The following PXDN variants were observed in gnomAD, a reference collection of about 807,000 sequenced individuals.
The protein encoded by PXDN is peroxidasin.
PXDN carries 77 observed loss-of-function variants against 140.3 expected under a neutral mutation model. The ratio of observed to expected loss-of-function variants is 0.55; its 90% CI spans 0.46 to 0.66. PXDN has a LOEUF of 0.66. Among genes scored for constraint, PXDN ranks in the 30% least tolerant of loss-of-function variants. PXDN has a pLI of 0.00. For missense variants in PXDN, 1,838 were observed against 2,039.5 expected (o/e 0.90, Z 1.90); for synonymous variants, 911 against 857.4 (o/e 1.06, Z -1.09).
At chr2:1,700,763 TACTC>T (rs1210718154) in intron 1 of PXDN, among the ~76,000 whole-genome samples, 2 of 152,058 alleles carry the variant, frequency 1.3e-5, no homozygotes, top group South Asian at 4.2e-4. Flanking sequence ...TAATCCCAGT[TACTC>T]AGGAGGCTGA....
At chr2:1,713,770 A>T (rs1006121370) in intron 1 of PXDN, among the ~76,000 whole-genome samples, 4 of 152,240 alleles carry the variant, frequency 2.6e-5, no homozygotes, top group Non-Finnish European at 5.9e-5. Flanking sequence ...GAGAGGTAAG[A>T]GGTGGGCAGC....
At chr2:1,701,402 CG>C (rs1558515063) in intron 1 of PXDN, among the ~76,000 whole-genome samples, 1 of 152,186 alleles carries the variant, frequency 6.6e-6, no homozygotes, top group Non-Finnish European at 1.5e-5. Flanking sequence ...CTCGTGCAGG[CG>C]GCCACAGTGA....
intron 3 of PXDN, among the ~76,000 whole-genome samples, chr2:1,690,032 C>T (rs979461921): frequency 6.6e-6 from 1 of 152,200 alleles, no homozygotes. Flanking sequence ...GAATAAATTT[C>T]AGGAGAGCTC....
At chr2:1,671,504 C>G (rs575949229) in intron 9 of PXDN, among the ~76,000 whole-genome samples, 3 of 151,968 alleles carry the variant, frequency 2.0e-5, no homozygotes, top group African/African-American at 7.2e-5. Flanking sequence ...AAAAGACACA[C>G]CTGCCAATAC....
chr2:1,733,845 G>C (rs1482605860), intron 1 of PXDN, among the ~76,000 whole-genome samples: 1 of 148,702 alleles, frequency 6.7e-6, no homozygotes, highest in East Asian at 2.0e-4. Context: ...GGTAAAGAAA[G>C]CACTGTTTAA....
At chr2:1,663,868 G>T in intron 11 of PXDN, 105 bp from the exon 12 acceptor site, 1 of 1,455,948 alleles carries the variant, frequency 6.9e-7, no homozygotes, top group East Asian at 2.3e-5. Context: ...CTGGGTCGGG[G>T]CGCCGGATAA....
At chr2:1,705,264 C>A (rs902451874) in intron 1 of PXDN, among the ~76,000 whole-genome samples, 2 of 152,162 alleles carry the variant, frequency 1.3e-5, no homozygotes, top group African/African-American at 4.8e-5. Flanking sequence ...CCCACATGAC[C>A]CACTGAAGAC....
At chr2:1,668,247 T>C (rs1307551028) in intron 9 of PXDN, among the ~76,000 whole-genome samples, 1 of 152,186 alleles carries the variant, frequency 6.6e-6, no homozygotes. Flanking sequence ...TGGCTAGCCA[T>C]ATGTAGAAAG....
chr2:1,710,206 GAC>G (rs1053118659), intron 1 of PXDN, among the ~76,000 whole-genome samples: 9 of 152,294 alleles, frequency 5.9e-5, no homozygotes, highest in African/African-American at 2.2e-4. Context: ...TGTCAAAGGA[GAC>G]ACACGCCGAA....
At chr2:1,744,535 A>G (rs1009929644), upstream of PXDN, 2 of 1,219,108 alleles carry the variant, frequency 1.6e-6, no homozygotes, top group Non-Finnish European at 2.1e-6. Flanking sequence ...GCCGCGGCCC[A>G]CGTCCCAGCT....
At chr2:1,719,000 G>T (rs115947925) in intron 1 of PXDN, among the ~76,000 whole-genome samples, 7 of 152,240 alleles carry the variant, frequency 4.6e-5, no homozygotes, top group African/African-American at 1.7e-4. Context: ...CCCAGGACAC[G>T]CTGACAGCCA....
At chr2:1,715,255 A>G (rs949040693) in intron 1 of PXDN, among the ~76,000 whole-genome samples, 1 of 152,150 alleles carries the variant, frequency 6.6e-6, no homozygotes, top group Non-Finnish European at 1.5e-5. Flanking sequence ...GAGAGGGGAA[A>G]GAGCCGACGG....
At chr2:1,716,159 C>T (rs111722728) in intron 1 of PXDN, among the ~76,000 whole-genome samples, 10,006 of 152,072 alleles carry the variant, frequency 0.066, 853 homozygotes, top group East Asian at 0.31. Context: ...GGTGGTGGGC[C>T]GGGCACAGTG....
chr2:1,665,097 A>T, intron 10 of PXDN, 23 bp from the exon 11 acceptor site: 1 of 1,536,308 alleles, frequency 6.5e-7, no homozygotes, highest in Non-Finnish European at 8.9e-7. Flanking sequence ...AAGCATTCAA[A>T]ACAGGACATG....
chr2:1,720,718 TCTCTCTCACACACACACA>T (rs1183140417), intron 1 of PXDN, among the ~76,000 whole-genome samples: 4 of 140,190 alleles, frequency 2.9e-5, no homozygotes, highest in Non-Finnish European at 6.0e-5. Flanking sequence ...TCTCTCTCTC[TCTCTCTCACACACACACA>T]CACACACACA....
rs769024843 is a variant in PXDN at position 1,683,679 on chromosome 2, A to T, written c.537T>A (p.Asn179Lys). Residue 179 changes from asparagine to lysine, a missense_variant, in exon 6 of 23, where the codon AAT (asparagine) becomes AAA (lysine). This residue lies in a region of PXDN where 208 missense variants were observed against 325.8 expected (regional missense o/e 0.64). Coordinates refer to ENST00000252804, the MANE Select transcript of PXDN (RefSeq NM_012293.3). ...ACAATCTCTTCATAGATTCCAAGTG[A>T]TTAAATGTCCCTGGAACTAAATGTG... ...RITHLVPGTF[N>K]HLESMKRLRL... 9.3e-6 allele frequency: 15 copies of T among 1,608,254 alleles called. No individual in the cohort carries two copies. In the Admixed American group the frequency reaches 2.5e-4, roughly 27 times the overall value.
chr2:1,687,501 A>T lies in PXDN; in HGVS notation c.416+131T>A. ...CATCCCTGTTTTTCCGTCATCATGC[A>T]CGTACTCCCCGCACCTCAGGTAGCA... On this transcript the variant is annotated intron_variant, in intron 4 of 22. Transcript: ENST00000252804. This position sits in a 1 kb window ranked among gnomAD's most constrained non-coding sequence, Gnocchi z 4.0. The T allele has an allele frequency of 1.7e-6, 1 of 591,908 alleles. No homozygotes were observed. The highest frequency in any genetic ancestry group is 3.5e-5 in the Admixed American group (1 of 28,982). 36.7% of individuals were successfully genotyped at this position (591,908 alleles called of 1,614,324 possible).
chr2:1,737,580 C>T (rs1685450545), intron 1 of PXDN, among the ~76,000 whole-genome samples: 1 of 151,924 alleles, frequency 6.6e-6, no homozygotes, highest in African/African-American at 2.4e-5. Context: ...TGCTCTGTCC[C>T]CCAAGCTGGA....
intron 22 of PXDN, among the ~76,000 whole-genome samples, chr2:1,634,984 C>A (rs1012433387): frequency 1.3e-5 from 2 of 150,442 alleles, no homozygotes; most frequent in Non-Finnish European, 2.9e-5. Context: ...GTAACACCCC[C>A]AGCTCTGACT....
Sources: allele counts gnomAD v4.1 joint callset (sites outside exome capture counted in the v4.1 genomes callset), GRCh38; gene constraint gnomAD v4.1.1; regional missense constraint gnomAD v4.1.1; non-coding constraint Gnocchi (gnomAD v3.1); transcripts MANE v1.5; gene names NCBI Gene and HGNC (gene_info 2026-07-23, HGNC 2026-07-21).